The following KDM2A variants were observed in gnomAD, a reference collection of about 807,000 sequenced individuals.
The protein encoded by KDM2A is lysine-specific demethylase 2A.
KDM2A carries 3 observed loss-of-function variants against 137.3 expected under a neutral mutation model. That is an observed-to-expected ratio of 0.02 (90% CI 0.01 to 0.06). The LOEUF is 0.06. Ranked by LOEUF, KDM2A falls within the 10% of genes least tolerant of loss-of-function variation. The pLI is 1.00. For missense variants in KDM2A, 738 were observed against 1,510.6 expected (o/e 0.49, Z 8.48); for synonymous variants, 512 against 541.5 (o/e 0.95, Z 0.76).
chr11:67,217,824 C>A lies in KDM2A; in HGVS notation c.781C>A (p.Arg261=). 1 of 1,612,976 alleles carries A rather than the reference C, an allele frequency of 6.2e-7. No individual in the cohort carries two copies. Among genetic ancestry groups the A allele is most frequent in the East Asian group, 2.2e-5 (1 of 44,864 alleles). Residue 261 remains arginine (R), a synonymous_variant, in exon 9 of 21, where the codon CGG becomes AGG. Coordinates refer to ENST00000529006, the MANE Select transcript of KDM2A (RefSeq NM_012308.3). The part of the protein sequence containing the change: ...GKQGDIFLGD[R]VSDCQRIELK... ...ACAGGGAGACATCTTTCTGGGTGAC[C>A]GGGTATCAGATTGTCAGCGCATTGA...
rs969936739 is a variant in KDM2A at position 67,240,926 on chromosome 11, CCA to C, written c.1480-2073_1480-2072del. On this transcript the variant is annotated intron_variant, in intron 12 of 20. Transcript: ENST00000529006. The stretch of plus-strand genomic sequence containing the variant: ...TGTATGTGTGAACAGCTGCCACCCC[CCA>C]CACACACACCGACACAGTTTTCCGC... Among the ~76,000 whole-genome samples the C allele has an allele frequency of 2.0e-5, 3 of 152,232 alleles. No individual in the cohort carries two copies. In the East Asian group the frequency reaches 5.8e-4, roughly 29 times the overall value.
intron 5 of KDM2A, chr11:67,195,986 CTTCAAACTTA>C (rs2136358382): frequency 2.3e-6 from 1 of 436,112 alleles, no homozygotes; most frequent in African/African-American, 2.0e-5. Flanking sequence ...GTTGTGATTT[CTTCAAACTTA>C]TCTCAGAACC....
intron 2 of KDM2A, among the ~76,000 whole-genome samples, chr11:67,158,161 C>T: frequency 6.6e-6 from 1 of 152,064 alleles, no homozygotes; most frequent in Non-Finnish European, 1.5e-5. Flanking sequence ...TGTAGTTTTG[C>T]CCTTTCTAAA....
At chr11:67,137,959 G>A (rs1245862448) in intron 2 of KDM2A, among the ~76,000 whole-genome samples, 4 of 152,004 alleles carry the variant, frequency 2.6e-5, no homozygotes, top group East Asian at 1.9e-4. Flanking sequence ...CACCATGCCC[G>A]GCTAATTTTT....
At chr11:67,231,466 T>G in intron 11 of KDM2A, 100 bp from the exon 12 acceptor site, 1 of 1,082,894 alleles carries the variant, frequency 9.2e-7, no homozygotes, top group Non-Finnish European at 1.3e-6. Context: ...GGTAATTTTG[T>G]CATTTATAGC....
In KDM2A at chr11:67,254,154, G is replaced by T. The variant is rs1449603118; in HGVS notation, c.3092-49G>T. Reference sequence around the variant, plus strand: ...GTTGCTGCCTGGAGCCTTGAAGCTGGATTAGAGAATTGAGAGTTTTGATCT... The same window carrying T: ...GTTGCTGCCTGGAGCCTTGAAGCTGTATTAGAGAATTGAGAGTTTTGATCT... On this transcript the variant is annotated intron_variant, in intron 19 of 20. Coordinates refer to ENST00000529006, the MANE Select transcript of KDM2A (RefSeq NM_012308.3). This position sits in a 1 kb window ranked among gnomAD's most constrained non-coding sequence, Gnocchi z 4.7. 29 of 1,544,584 alleles carry T rather than the reference G, an allele frequency of 1.9e-5. No homozygotes were observed. The South Asian group carries it at 3.3e-4, about 18-fold the overall frequency.
chr11:67,120,240 G>C (rs972577314), intron 1 of KDM2A, among the ~76,000 whole-genome samples, 191 bp downstream of exon 1: 2 of 152,198 alleles, frequency 1.3e-5, no homozygotes, highest in Non-Finnish European at 2.9e-5. Flanking sequence ...TCGTCGCCCA[G>C]GGGGTGCAAG....
chr11:67,252,745 C>T lies in KDM2A; in HGVS notation c.2820C>T (p.Ala940=), dbSNP rs777442959. The part of the protein sequence containing the change: ...WTKIDLSRCK[A]IVPQALSGII... ...AAATTGACTTGAGTAGGTGTAAGGC[C>T]ATTGTGCCCCAGGCCCTCAGTGGCA... The change falls in exon 18 of 21, where the codon GCC becomes GCT. Residue 940 remains alanine, a synonymous_variant. Coordinates refer to ENST00000529006, the MANE Select transcript of KDM2A (RefSeq NM_012308.3). 1.9e-6 allele frequency: 3 copies of T among 1,613,820 alleles called. No homozygotes were observed. Among genetic ancestry groups the T allele is most frequent in the Non-Finnish European group, 1.7e-6 (2 of 1,179,880 alleles).
intron 12 of KDM2A, among the ~76,000 whole-genome samples, chr11:67,241,480 T>C (rs1335465283): frequency 2.0e-5 from 3 of 152,090 alleles, no homozygotes; most frequent in Non-Finnish European, 4.4e-5. Flanking sequence ...AGCAGGATCC[T>C]TAGGTTAAGA....
At chr11:67,237,259 G>C (rs2136435408) in intron 12 of KDM2A, among the ~76,000 whole-genome samples, 1 of 152,120 alleles carries the variant, frequency 6.6e-6, no homozygotes, top group African/African-American at 2.4e-5. Flanking sequence ...CCCCATCCCA[G>C]GAGTATGATG....
At chr11:67,219,202 G>C (rs1299902200) in intron 9 of KDM2A, 86 bp from the exon 10 acceptor site, 1 of 520,218 alleles carries the variant, frequency 1.9e-6, no homozygotes, top group African/African-American at 2.0e-5. Context: ...TGAAGAGTGT[G>C]ATCTAGGGGT....
intron 5 of KDM2A, among the ~76,000 whole-genome samples, chr11:67,204,617 G>A (rs553318266): frequency 1.1e-3 from 160 of 151,208 alleles, no homozygotes; most frequent in African/African-American, 3.6e-3. Context: ...TCAGTCTCCC[G>A]AGTACCTGGG....
intron 6 of KDM2A, among the ~76,000 whole-genome samples, chr11:67,214,086 G>A (rs1232074625): frequency 6.6e-6 from 1 of 151,772 alleles, no homozygotes; most frequent in Non-Finnish European, 1.5e-5. Context: ...TGTTTCCCAG[G>A]CTGGAGTGCA....
intron 5 of KDM2A, chr11:67,196,903 G>GC (rs1555089627): frequency 6.6e-6 from 1 of 150,382 alleles, no homozygotes; most frequent in African/African-American, 2.8e-5. Context: ...TTTACAAGTT[G>GC]AAAAAAAAAT....
chr11:67,214,188 G>A (rs1858083062), intron 6 of KDM2A, among the ~76,000 whole-genome samples: 1 of 142,546 alleles, frequency 7.0e-6, no homozygotes, highest in African/African-American at 2.6e-5. Flanking sequence ...TTACAGGCAT[G>A]CGCCACCATG....
At chr11:67,218,106 G>A (rs1365796556) in intron 9 of KDM2A, among the ~76,000 whole-genome samples, 1 of 152,180 alleles carries the variant, frequency 6.6e-6, no homozygotes, top group Non-Finnish European at 1.5e-5. Flanking sequence ...GCCAGCAGAG[G>A]CTTTTCAGGT....
chr11:67,253,328 A>G (rs1038683382), intron 18 of KDM2A, 125 bp from the exon 19 acceptor site: 3 of 817,604 alleles, frequency 3.7e-6, no homozygotes, highest in South Asian at 1.6e-5. Flanking sequence ...CTGGATGACT[A>G]AAAGATTAGG....
intron 5 of KDM2A, chr11:67,196,488 G>C (rs1857486038): frequency 2.2e-6 from 1 of 456,026 alleles, no homozygotes; most frequent in Middle Eastern, 3.3e-4. Context: ...ATGTCCATCA[G>C]CAGTGAATAC....
chr11:67,157,352 G>A (rs1322079199), intron 2 of KDM2A, among the ~76,000 whole-genome samples: 2 of 150,844 alleles, frequency 1.3e-5, no homozygotes, highest in Non-Finnish European at 3.0e-5. Flanking sequence ...CACACAGTTG[G>A]CAAATTTTGA....
Sources: gnomAD v4.1 joint callset for allele counts (sites outside exome capture counted in the v4.1 genomes callset) on GRCh38, gnomAD v4.1.1 for gene constraint, Gnocchi (gnomAD v3.1) non-coding constraint, MANE v1.5 for transcripts, NCBI Gene and HGNC (gene_info 2026-07-23, HGNC 2026-07-21) for gene names.